The following KLK9 variants were observed in gnomAD, a reference collection of about 807,000 sequenced individuals.
The protein encoded by KLK9 is kallikrein-9.
KLK9 carries 26 observed loss-of-function variants against 23.3 expected under a neutral mutation model. The observed-to-expected ratio is 1.12, with a 90% CI of 0.82 to 1.55. The LOEUF (loss-of-function observed/expected upper bound fraction) is 1.55, where lower values mean the gene tolerates loss of function less well. KLK9 is among the 40% of genes most tolerant of loss of function. The pLI is 0.00. For missense variants in KLK9, 346 were observed against 333.7 expected (o/e 1.04, Z -0.29); for synonymous variants, 122 against 128.5 (o/e 0.95, Z 0.34).
At position 51,002,932 on chromosome 19, in the gene KLK9, T is replaced by C; in HGVS notation, c.*179A>G. 3 of 728,004 alleles carry C rather than the reference T, an allele frequency of 4.1e-6. No homozygotes were observed. Among genetic ancestry groups the C allele is most frequent in the Non-Finnish European group, 6.7e-6 (3 of 450,466 alleles). The allele number at this position is 728,004 out of a possible 1,614,324, so 45.1% of individuals were successfully genotyped here. Reference sequence around the variant, plus strand: ...TCCGTTCCGAGGGGGCGCGACTGTGTCTTGCTTGACCTCGTGAGGGGGCGG... The same window carrying C: ...TCCGTTCCGAGGGGGCGCGACTGTGCCTTGCTTGACCTCGTGAGGGGGCGG... On this transcript the variant is annotated 3_prime_UTR_variant, in exon 5 of 5. Coordinates refer to ENST00000594211, the MANE Select transcript of KLK9 (RefSeq NM_012315.2).
intron 3 of KLK9, 102 bp from the exon 4 acceptor site, chr19:51,003,942 A>T: frequency 1.1e-6 from 1 of 893,112 alleles, no homozygotes; most frequent in Non-Finnish European, 1.8e-6. Flanking sequence ...GGACCAATGG[A>T]GCCACATTTA....
chr19:51,006,868 C>T lies in KLK9; in HGVS notation c.201-145G>A, dbSNP rs2091257799. On this transcript the variant is annotated intron_variant, in intron 2 of 4. Coordinates refer to ENST00000594211, the MANE Select transcript of KLK9 (RefSeq NM_012315.2). This position sits in a 1 kb window ranked among gnomAD's most constrained non-coding sequence, Gnocchi z 4.1. ...GCACCCTCATCATCTATGTCTGGCC[C>T]AGGGTACTGTGATTTTAAGCGAGGC... 2 of 913,682 alleles carry T rather than the reference C, an allele frequency of 2.2e-6. No homozygotes were observed. The highest frequency in any genetic ancestry group is 2.8e-5 in the East Asian group (1 of 36,170). 56.6% of individuals were successfully genotyped at this position (913,682 alleles called of 1,614,324 possible).
In KLK9 at chr19:51,003,699, C is replaced by T; in HGVS notation, c.603+5G>A. On this transcript the variant is annotated splice_donor_5th_base_variant and intron_variant, in intron 4 of 4. Transcript: ENST00000594211. Reference sequence around the variant, plus strand: ...AGCCTCATTTTCCCCAGAGTAAGGTCTCACCTGGCAGGAACCTCGGCCCCC... The same window carrying T: ...AGCCTCATTTTCCCCAGAGTAAGGTTTCACCTGGCAGGAACCTCGGCCCCC... 2 of 1,610,010 alleles carry T rather than the reference C, an allele frequency of 1.2e-6. No individual in the cohort carries two copies. The highest frequency in any genetic ancestry group is 1.7e-6 in the Non-Finnish European group (2 of 1,177,850).
Position 51,009,190 on chromosome 19 carries a change from G to T in KLK9, c.193C>A (p.Arg65Ser), listed in dbSNP as rs118001778. 50 of 1,606,292 alleles carry T rather than the reference G, an allele frequency of 3.1e-5. No individual in the cohort carries two copies. Among genetic ancestry groups the T allele is most frequent in the Non-Finnish European group, 4.2e-5 (50 of 1,178,312 alleles). The change falls in exon 2 of 5, where the codon CGC becomes AGC. Residue 65 changes from arginine to serine, a missense_variant. By Grantham distance (110) the Arg-to-Ser change is moderately radical (BLOSUM62 -1). Coordinates refer to ENST00000594211, the MANE Select transcript of KLK9 (RefSeq NM_012315.2). The surrounding 1 kb of genome is among the most constrained non-coding windows in gnomAD (Gnocchi z 4.8). ...CCAGCCTGGGTCACTCACGGCTTGC[G>T]GCAGTGGGCAGCTGTGAGCAGCCAG... ...DRWLLTAAHC[R>S]KPYLWVRLGE...
intron 3 of KLK9, 59 bp from the exon 4 acceptor site, chr19:51,003,899 A>G: frequency 2.7e-6 from 4 of 1,491,416 alleles, no homozygotes; most frequent in Non-Finnish European, 3.7e-6. Context: ...TCAGCACCCC[A>G]CTGCCCTGAG....
Position 51,003,122 on chromosome 19 carries a change from T to G in KLK9, c.742A>C (p.Met248Leu). 1 of 1,609,388 alleles carries G rather than the reference T, an allele frequency of 6.2e-7. No homozygotes were observed. The highest frequency in any genetic ancestry group is 8.5e-7 in the Non-Finnish European group (1 of 1,177,782). The stretch of plus-strand genomic sequence containing the variant: ...CGTGGCGCGCGGGCTCAGTTCTCCA[T>G]GATTTCTTGGATCCAGTCAAGGTAG... The part of the protein sequence containing the change: ...CHYLDWIQEI[M>L]EN The change falls in exon 5 of 5, where the codon ATG becomes CTG. Residue 248 changes from methionine (M) to leucine (L), a missense_variant. By Grantham distance (15) the Met-to-Leu change is conservative. Transcript: ENST00000594211.
Position 51,009,512 on chromosome 19 carries a change from C to CAG in KLK9, c.34_35dup (p.Leu13CysfsTer103). The CAG allele has an allele frequency of 1.2e-6, 2 of 1,610,848 alleles. No individual in the cohort carries two copies. The highest frequency in any genetic ancestry group is 1.7e-6 in the Non-Finnish European group (2 of 1,178,528). ...CCAGCCTGGGAGCCTCACCTGCCAG[C>CAG]AGAGAGAGCAGAGCACAGAGGAGTC... On this transcript the variant is annotated frameshift_variant, in exon 1 of 5. Coordinates refer to ENST00000594211, the MANE Select transcript of KLK9 (RefSeq NM_012315.2). LOFTEE classifies it high-confidence loss of function. The surrounding 1 kb of genome is among the most constrained non-coding windows in gnomAD (Gnocchi z 4.8).
Position 51,006,777 on chromosome 19 carries a change from G to A in KLK9, c.201-54C>T. 2.7e-6 allele frequency: 4 copies of A among 1,488,746 alleles called. No individual in the cohort carries two copies. Among genetic ancestry groups the A allele is most frequent in the Non-Finnish European group, 3.6e-6 (4 of 1,116,170 alleles). The allele number at this position is 1,488,746 out of a possible 1,614,324, so 92.2% of individuals were successfully genotyped here. A position where few individuals can be genotyped will look rare whatever the true frequency, so the allele number is the denominator to read the frequency against. ...TGGGGGAAAGGTAAAAGTCCTTTCA[G>A]CCCCAGCCCTCTTTTCCTGTCCATC... On this transcript the variant is annotated intron_variant, in intron 2 of 4. Transcript: ENST00000594211. This position sits in a 1 kb window ranked among gnomAD's most constrained non-coding sequence, Gnocchi z 4.1.
Position 51,003,117 on chromosome 19 carries a change from C to A in KLK9, c.747G>T (p.Glu249Asp), listed in dbSNP as rs200431645. ...GCCCCCGTGGCGCGCGGGCTCAGTT[C>A]TCCATGATTTCTTGGATCCAGTCAA... is the stretch of plus-strand genomic sequence containing the variant. ...HYLDWIQEIMEN is the reference protein window; with the variant it reads ...HYLDWIQEIMDN Residue 249 changes from glutamate to aspartate, a missense_variant, in exon 5 of 5, where the codon GAG (glutamate) becomes GAT (aspartate). Physicochemically the swap from Glu to Asp is conservative, Grantham distance 45. Transcript: ENST00000594211. The A allele has an allele frequency of 1.9e-5, 30 of 1,608,702 alleles. No homozygotes were observed. In the Admixed American group the frequency reaches 4.3e-4, roughly 23 times the overall value.
chr19:51,005,022 A>G (rs984284620), intron 3 of KLK9, among the ~76,000 whole-genome samples: 9 of 152,190 alleles, frequency 5.9e-5, no homozygotes, highest in African/African-American at 1.9e-4. Context: ...CAGAGAACTT[A>G]TCTTGGCTGA....
At chr19:51,008,594 T>C (rs944867739) in intron 2 of KLK9, among the ~76,000 whole-genome samples, 4 of 152,158 alleles carry the variant, frequency 2.6e-5, no homozygotes, top group Non-Finnish European at 5.9e-5. Flanking sequence ...ATGTGGCTAG[T>C]CCATTTTGTA....
intron 2 of KLK9, among the ~76,000 whole-genome samples, chr19:51,007,191 T>C (rs1185499050): frequency 1.3e-5 from 2 of 152,022 alleles, no homozygotes; most frequent in South Asian, 2.1e-4. Flanking sequence ...TGAAAGGGGA[T>C]GGGATATGGA....
rs767313381 is a variant in KLK9, at chr19:51,009,180, C to G, written c.200+3G>C. The G allele has an allele frequency of 6.2e-7, 1 of 1,605,876 alleles. No homozygotes were observed. Among genetic ancestry groups the G allele is most frequent in the Non-Finnish European group, 8.5e-7 (1 of 1,178,204 alleles). Reference sequence around the variant, plus strand: ...CCCAGCATGGCCAGCCTGGGTCACTCACGGCTTGCGGCAGTGGGCAGCTGT... The same window carrying G: ...CCCAGCATGGCCAGCCTGGGTCACTGACGGCTTGCGGCAGTGGGCAGCTGT... On this transcript the variant is annotated splice_donor_region_variant and intron_variant, in intron 2 of 4. Transcript: ENST00000594211. This position sits in a 1 kb window ranked among gnomAD's most constrained non-coding sequence, Gnocchi z 4.8.
intron 3 of KLK9, among the ~76,000 whole-genome samples, chr19:51,005,961 A>AAT (rs1366587180): frequency 6.6e-5 from 10 of 151,126 alleles, no homozygotes; most frequent in African/African-American, 2.2e-4. Context: ...AATAAATAAT[A>AAT]AAAAAATGAC....
chr19:51,004,954 A>C (rs1430640577), intron 3 of KLK9, among the ~76,000 whole-genome samples: 1 of 152,184 alleles, frequency 6.6e-6, no homozygotes, highest in African/African-American at 2.4e-5. Flanking sequence ...GGTAAACAGA[A>C]GTCGGGGACG....
intron 3 of KLK9, among the ~76,000 whole-genome samples, chr19:51,004,752 G>A (rs982870858): frequency 4.6e-5 from 7 of 151,758 alleles, no homozygotes; most frequent in African/African-American, 1.7e-4. Flanking sequence ...TCAAGGGGTG[G>A]AATGAAGGCA....
chr19:51,004,945 G>T (rs1189082547), intron 3 of KLK9, among the ~76,000 whole-genome samples: 1 of 152,158 alleles, frequency 6.6e-6, no homozygotes, highest in Non-Finnish European at 1.5e-5. Context: ...AACAGAATTG[G>T]TAAACAGAAG....
At position 51,009,018 on chromosome 19, in the gene KLK9, G is replaced by A. The variant is rs959298672; in HGVS notation, c.200+165C>T. ...TAGACTTCTCAAATGAGATATTGCT[G>A]GTCTCTAGAATTTTAGGATTTGGGA... On this transcript the variant is annotated intron_variant, in intron 2 of 4. Coordinates refer to ENST00000594211, the MANE Select transcript of KLK9 (RefSeq NM_012315.2). This position sits in a 1 kb window ranked among gnomAD's most constrained non-coding sequence, Gnocchi z 4.8. Among the ~76,000 whole-genome samples, 1 of 152,190 alleles carries A rather than the reference G, an allele frequency of 6.6e-6. No homozygotes were observed.
At position 51,006,125 on chromosome 19, in the gene KLK9, AAAACAAACAAAC is replaced by A. The variant is rs60620559; in HGVS notation, c.466+321_466+332del. Among the ~76,000 whole-genome samples, 8 of 150,390 alleles carry A rather than the reference AAAACAAACAAAC, an allele frequency of 5.3e-5. No homozygotes were observed. The highest frequency in any genetic ancestry group is 2.0e-4 in the African/African-American group (8 of 40,930). ...AGCAACAAAGCGAGACCCTGTCTCA[AAAACAAACAAAC>A]AAACAAACAAACAAACACTCTGAAA... is the stretch of plus-strand genomic sequence containing the variant. On this transcript the variant is annotated intron_variant, in intron 3 of 4. Coordinates refer to ENST00000594211, the MANE Select transcript of KLK9 (RefSeq NM_012315.2). The surrounding 1 kb of genome is among the most constrained non-coding windows in gnomAD (Gnocchi z 4.1).
Sources: gnomAD v4.1 joint callset for allele counts (sites outside exome capture counted in the v4.1 genomes callset) on GRCh38, gnomAD v4.1.1 for gene constraint, Gnocchi (gnomAD v3.1) non-coding constraint, MANE v1.5 for transcripts, NCBI Gene and HGNC (gene_info 2026-07-23, HGNC 2026-07-21) for gene names.